USO1: variants seen among roughly 807,000 people sequenced by gnomAD.
The protein encoded by USO1 is general vesicular transport factor p115.
USO1 carries 57 observed loss-of-function variants against 124.5 expected under a neutral mutation model. The observed-to-expected ratio is 0.46, with a 90% confidence interval of 0.37 to 0.57. USO1 has a LOEUF of 0.57. Among genes scored for constraint, USO1 ranks in the 20% least tolerant of loss-of-function variants. USO1 has a pLI of 0.00. For synonymous variants in USO1, 369 were observed against 362.8 expected, an observed-to-expected ratio of 1.02 and a Z score of -0.19; for missense variants, 900 against 1,040.6, an observed-to-expected ratio of 0.86 and a Z score of 1.86.
intron 1 of USO1, among the ~76,000 whole-genome samples, chr4:75,733,674 T>G (rs901476474): frequency 4.6e-5 from 7 of 152,168 alleles, no homozygotes; most frequent in Admixed American, 1.3e-4. Flanking sequence ...GAGTTTTTGG[T>G]TTTTGCCTGT....
intron 1 of USO1, among the ~76,000 whole-genome samples, chr4:75,747,670 C>T (rs552427296): frequency 2.9e-4 from 39 of 132,748 alleles, no homozygotes; most frequent in African/African-American, 1.0e-3. Flanking sequence ...AGTGCAGTGG[C>T]GCAATCTTGG....
intron 1 of USO1, among the ~76,000 whole-genome samples, chr4:75,745,928 AAC>A (rs1721114145): frequency 6.6e-6 from 1 of 152,096 alleles, no homozygotes; most frequent in African/African-American, 2.4e-5. Context: ...AAACGAAAAA[AAC>A]AGTTTATTAG....
At chr4:75,736,152 T>C (rs533536040) in intron 1 of USO1, among the ~76,000 whole-genome samples, 32 of 152,250 alleles carry the variant, frequency 2.1e-4, no homozygotes, top group Admixed American at 5.9e-4. Context: ...TCAGTTCTCT[T>C]TCCAGAGATA....
intron 13 of USO1, among the ~76,000 whole-genome samples, chr4:75,797,576 A>AG (rs397817141): frequency 1.3e-5 from 2 of 148,240 alleles, no homozygotes; most frequent in Non-Finnish European, 1.5e-5. Context: ...AAAAAAAAAA[A>AG]GCCTTTTAGT....
Position 75,770,815 on chromosome 4 carries a change from A to T in USO1, c.397-7A>T. ...GATGTTAAATATTTTGAATTCTTAC[A>T]TTGCAGGAGTTTGATTTCCATGTCC... On this transcript the variant is annotated splice_region_variant and splice_polypyrimidine_tract_variant and intron_variant, in intron 5 of 23. Transcript: ENST00000514213. The T allele has an allele frequency of 6.3e-7, 1 of 1,596,384 alleles. No individual in the cohort carries two copies. The highest frequency in any genetic ancestry group is 8.5e-7 in the Non-Finnish European group (1 of 1,175,704).
chr4:75,808,760 T>C (rs1723062062), intron 20 of USO1, among the ~76,000 whole-genome samples, 193 bp from the exon 21 acceptor site: 1 of 144,302 alleles, frequency 6.9e-6, no homozygotes, highest in Non-Finnish European at 1.5e-5. Flanking sequence ...TTGCATGGGA[T>C]TTCAGGAGGG....
At chr4:75,773,268 G>A (rs1280430780) in intron 7 of USO1, among the ~76,000 whole-genome samples, 3 of 151,912 alleles carry the variant, frequency 2.0e-5, no homozygotes, top group Non-Finnish European at 4.4e-5. Context: ...ATTAAGTTCT[G>A]TTTTTGTTGT....
chr4:75,800,865 TCTGGATGC>T, intron 16 of USO1, 66 bp downstream of exon 16: 2 of 1,536,758 alleles, frequency 1.3e-6, no homozygotes, highest in Non-Finnish European at 1.8e-6. Context: ...ACATGTATAT[TCTGGATGC>T]ATACAGGTTA....
At chr4:75,786,957 C>T in intron 9 of USO1, 105 bp from the exon 10 acceptor site, 1 of 1,330,990 alleles carries the variant, frequency 7.5e-7, no homozygotes, top group Non-Finnish European at 9.8e-7. Flanking sequence ...AGCTAAGCAG[C>T]TAAGGGAGTA....
intron 1 of USO1, among the ~76,000 whole-genome samples, chr4:75,748,825 C>T (rs1257750095): frequency 1.3e-5 from 2 of 152,016 alleles, no homozygotes; most frequent in African/African-American, 4.8e-5. Context: ...ATGTACAAGT[C>T]CTAAGTAAAG....
At chr4:75,745,598 TAA>T (rs559882822) in intron 1 of USO1, among the ~76,000 whole-genome samples, 72 of 152,260 alleles carry the variant, frequency 4.7e-4, no homozygotes, top group Middle Eastern at 3.4e-3. Flanking sequence ...TTCTTCCTTA[TAA>T]AGAGTTTATT....
chr4:75,736,824 C>CT (rs1577925239), intron 1 of USO1, among the ~76,000 whole-genome samples: 1 of 152,200 alleles, frequency 6.6e-6, no homozygotes, highest in African/African-American at 2.4e-5. Context: ...CAAACTGTCT[C>CT]TTTTTTCTAC....
At chr4:75,811,840 G>A (rs1321297153) in intron 22 of USO1, among the ~76,000 whole-genome samples, 1 of 152,002 alleles carries the variant, frequency 6.6e-6, no homozygotes, top group Non-Finnish European at 1.5e-5. Flanking sequence ...TCTGTAAAAT[G>A]CTTTGTGTTT....
chr4:75,740,685 G>A (rs1228398263), intron 1 of USO1, among the ~76,000 whole-genome samples: 1 of 152,128 alleles, frequency 6.6e-6, no homozygotes, highest in Admixed American at 6.6e-5. Flanking sequence ...TCATAAACCA[G>A]GTGAATAGTC....
intron 13 of USO1, among the ~76,000 whole-genome samples, chr4:75,794,929 A>T (rs991751306): frequency 2.0e-5 from 3 of 152,182 alleles, no homozygotes; most frequent in Non-Finnish European, 4.4e-5. Context: ...CCAAATTTTT[A>T]TGTCTTTACT....
chr4:75,799,579 T>C, intron 13 of USO1, 43 bp from the exon 14 acceptor site: 1 of 1,603,966 alleles, frequency 6.2e-7, no homozygotes, highest in South Asian at 1.1e-5. Context: ...GTTTGAAAAA[T>C]ATAAAATGAA....
At chr4:75,762,164 C>CTTTTTTT (rs375866579) in intron 4 of USO1, among the ~76,000 whole-genome samples, 2 of 70,156 alleles carry the variant, frequency 2.9e-5, no homozygotes, top group African/African-American at 5.7e-5. Flanking sequence ...AACAATTTTA[C>CTTTTTTT]TTTTTTTTTT....
intron 19 of USO1, 107 bp downstream of exon 19, chr4:75,805,410 A>C (rs1247372379): frequency 7.1e-6 from 10 of 1,408,982 alleles, no homozygotes; most frequent in Non-Finnish European, 8.4e-6. Context: ...TCATATGTTA[A>C]GATTTTACAG....
rs1721913474 is a variant in USO1, at chr4:75,771,063, A to G, written c.500-19A>G. ...TATTTTTGGTCTGCCAGCATTTTTC[A>G]CATGGTTGTATGTTCTAGGTGTTTC... On this transcript the variant is annotated intron_variant, in intron 6 of 23. Coordinates refer to ENST00000514213, the MANE Select transcript of USO1 (RefSeq NM_003715.4). 6.2e-7 allele frequency: 1 copy of G among 1,606,010 alleles called. No homozygotes were observed. Among genetic ancestry groups the G allele is most frequent in the Non-Finnish European group, 8.5e-7 (1 of 1,177,932 alleles).
Sources: allele counts gnomAD v4.1 joint callset (sites outside exome capture counted in the v4.1 genomes callset), GRCh38; gene constraint gnomAD v4.1.1; transcripts MANE v1.5; gene names NCBI Gene and HGNC (gene_info 2026-07-23, HGNC 2026-07-21).